The following LPP variants were observed in gnomAD, a reference collection of about 807,000 sequenced individuals.
LPP encodes lipoma-preferred partner.
A neutral mutation model predicts 60.4 loss-of-function variants in LPP; 38 were observed. The ratio of observed to expected loss-of-function variants is 0.63; its 90% confidence interval spans 0.49 to 0.83. LPP has a LOEUF of 0.83. Ranked by LOEUF, LPP falls within the 40% of genes least tolerant of loss-of-function variation. LPP has a pLI of 0.00. For synonymous variants in LPP, 328 were observed against 290.8 expected (o/e 1.13, Z -1.30); for missense variants, 902 against 783.6 (o/e 1.15, Z -1.80).
At chr3:188,294,232 T>G (rs769564835) in intron 2 of LPP, among the ~76,000 whole-genome samples, 6 of 152,088 alleles carry the variant, frequency 3.9e-5, no homozygotes, top group African/African-American at 1.2e-4. Context: ...AACTGTGAGT[T>G]TCTTTTTGGG....
intron 2 of LPP, among the ~76,000 whole-genome samples, chr3:188,235,869 T>C (rs1721715489): frequency 6.6e-6 from 1 of 152,208 alleles, no homozygotes; most frequent in Non-Finnish European, 1.5e-5. Context: ...GCCACTTCAG[T>C]CTGCTGTATA....
chr3:188,512,528 TAGTCTGGGCAACAAGAGCAA>T (rs1372417880), intron 5 of LPP, among the ~76,000 whole-genome samples: 3 of 151,210 alleles, frequency 2.0e-5, no homozygotes, highest in Admixed American at 6.6e-5. Flanking sequence ...CATTGCGCTC[TAGTCTGGGCAACAAGAGCAA>T]AACCCGGTCT....
At chr3:188,691,423 G>A (rs1438750935) in intron 7 of LPP, among the ~76,000 whole-genome samples, 1 of 152,184 alleles carries the variant, frequency 6.6e-6, no homozygotes, top group African/African-American at 2.4e-5. Flanking sequence ...ATGCAGGGTG[G>A]ATGAAATACA....
At chr3:188,199,422 G>A (rs1730426242) in intron 1 of LPP, among the ~76,000 whole-genome samples, 1 of 152,010 alleles carries the variant, frequency 6.6e-6, no homozygotes, top group South Asian at 2.1e-4. Flanking sequence ...AAAATACAAC[G>A]GAGGCTCCTT....
intron 4 of LPP, among the ~76,000 whole-genome samples, chr3:188,426,663 T>A (rs1048536897): frequency 6.6e-6 from 1 of 152,174 alleles, no homozygotes; most frequent in African/African-American, 2.4e-5. Context: ...ATATTTAGGG[T>A]AGTTAGCCCT....
rs968996850 is a variant in LPP at position 188,871,540 on chromosome 3, G to A, written c.1590-1103G>A. Among the ~76,000 whole-genome samples, 5 of 152,230 alleles carry A rather than the reference G, an allele frequency of 3.3e-5. No individual in the cohort carries two copies. In the South Asian group the frequency reaches 6.2e-4, roughly 19 times the overall value. On this transcript the variant is annotated intron_variant, in intron 10 of 11. Coordinates refer to ENST00000617246, the MANE Select transcript of LPP (RefSeq NM_001375462.1). Reference sequence around the variant, plus strand: ...TGTATGTAGAAATGCTTTGACAACCGTAACGTGCTCTGCAAAGAGTTAGAT... The same window carrying A: ...TGTATGTAGAAATGCTTTGACAACCATAACGTGCTCTGCAAAGAGTTAGAT...
chr3:188,699,158 A>G (rs1340330787), intron 7 of LPP, among the ~76,000 whole-genome samples: 1 of 152,270 alleles, frequency 6.6e-6, no homozygotes, highest in Non-Finnish European at 1.5e-5. Context: ...AGAAAAAGAA[A>G]TCACTGGAGA....
chr3:188,223,575 G>C (rs555365052), intron 1 of LPP, among the ~76,000 whole-genome samples: 17 of 152,148 alleles, frequency 1.1e-4, no homozygotes, highest in Non-Finnish European at 2.4e-4. Context: ...ATGGAAAATG[G>C]AGACCACTTT....
intron 2 of LPP, among the ~76,000 whole-genome samples, chr3:188,254,435 G>A (rs796630408): frequency 6.6e-6 from 1 of 152,296 alleles, no homozygotes; most frequent in African/African-American, 2.4e-5. Flanking sequence ...GTGGTGGAAT[G>A]GGGAGGAAAC....
chr3:188,153,163 C>A (rs773133408), upstream of LPP: 1 of 152,226 alleles, frequency 6.6e-6, no homozygotes, highest in Non-Finnish European at 1.5e-5. Flanking sequence ...GGGCATCTAA[C>A]CTGCTTCAAG....
At chr3:188,585,897 T>C (rs890500243) in intron 6 of LPP, among the ~76,000 whole-genome samples, 1 of 152,226 alleles carries the variant, frequency 6.6e-6, no homozygotes, top group Non-Finnish European at 1.5e-5. Context: ...TAGATAACAC[T>C]GTTTTACAGG....
intron 1 of LPP, among the ~76,000 whole-genome samples, chr3:188,170,126 T>C (rs1456718331): frequency 1.3e-5 from 2 of 152,168 alleles, no homozygotes; most frequent in Non-Finnish European, 2.9e-5. Context: ...AGCCTGAATA[T>C]GGAGAGGTAA....
Position 188,889,542 on chromosome 3 carries a change from T to C in LPP, c.*15063T>C. ...AAAGCAAGATACCTCCACTTAACCT[T>C]TATCCAAGGAAGCTCTTGGTGTCCT... On this transcript the variant is annotated 3_prime_UTR_variant, in exon 12 of 12. Coordinates refer to ENST00000617246, the MANE Select transcript of LPP (RefSeq NM_001375462.1). 4.4e-6 allele frequency: 1 copy of C among 229,574 alleles called. No homozygotes were observed. Among genetic ancestry groups the C allele is most frequent in the Non-Finnish European group, 8.6e-6 (1 of 115,712 alleles). 14.2% of individuals were successfully genotyped at this position (229,574 alleles called of 1,614,324 possible). A position where few individuals can be genotyped will look rare whatever the true frequency, so the allele number is the denominator to read the frequency against.
intron 3 of LPP, among the ~76,000 whole-genome samples, chr3:188,345,676 T>C (rs955116503): frequency 6.6e-6 from 1 of 152,180 alleles, no homozygotes; most frequent in African/African-American, 2.4e-5. Flanking sequence ...CCTTCTGCCT[T>C]ATTCTTGTGG....
chr3:188,352,420 C>G lies in LPP; in HGVS notation c.-10+10701C>G, dbSNP rs1308386072. Among the ~76,000 whole-genome samples the G allele has an allele frequency of 6.6e-6, 1 of 152,166 alleles. No individual in the cohort carries two copies. The highest frequency in any genetic ancestry group is 2.4e-5 in the African/African-American group (1 of 41,438). ...TTTCTGAAGGAGTCGCTGACCTTCC[C>G]CACAATAGAAGCTGTTGATGTGGTC... is the stretch of plus-strand genomic sequence containing the variant. On this transcript the variant is annotated intron_variant, in intron 3 of 11. Transcript: ENST00000617246. The surrounding 1 kb of genome is among the most constrained non-coding windows in gnomAD (Gnocchi z 4.4).
At chr3:188,343,426 G>A (rs917051217) in intron 3 of LPP, among the ~76,000 whole-genome samples, 16 of 151,990 alleles carry the variant, frequency 1.1e-4, no homozygotes, top group African/African-American at 2.2e-4. Context: ...TTATTTTTAC[G>A]GATAAATATA....
At chr3:188,814,560 A>C (rs1293779012) in intron 9 of LPP, among the ~76,000 whole-genome samples, 2 of 152,146 alleles carry the variant, frequency 1.3e-5, no homozygotes, top group Admixed American at 6.5e-5. Context: ...TTTTTTTCCA[A>C]ATAAATTAAA....
intron 9 of LPP, among the ~76,000 whole-genome samples, chr3:188,789,211 T>C (rs1252546169): frequency 6.6e-6 from 1 of 152,206 alleles, no homozygotes. Context: ...TAACCTTTAC[T>C]GCACTGGGAA....
At chr3:188,855,932 C>G (rs1024396279) in intron 9 of LPP, among the ~76,000 whole-genome samples, 4 of 152,140 alleles carry the variant, frequency 2.6e-5, no homozygotes, top group Non-Finnish European at 5.9e-5. Flanking sequence ...CTGTAACCAT[C>G]TATGTCAGCA....
Sources: allele counts gnomAD v4.1 joint callset (sites outside exome capture counted in the v4.1 genomes callset), GRCh38; gene constraint gnomAD v4.1.1; non-coding constraint Gnocchi (gnomAD v3.1); transcripts MANE v1.5; gene names NCBI Gene and HGNC (gene_info 2026-07-23, HGNC 2026-07-21).